GALNT11: variants seen among roughly 807,000 people sequenced by gnomAD.
GALNT11 encodes the protein UDP-GalNAc:polypeptide N-acetylgalactosaminyltransferase 11.
GALNT11 carries 47 observed loss-of-function variants against 72.7 expected under a neutral mutation model. The ratio of observed to expected loss-of-function variants is 0.65; its 90% confidence interval spans 0.51 to 0.82. The LOEUF is 0.82. Among genes scored for constraint, GALNT11 ranks in the 40% least tolerant of loss-of-function variants. The pLI, the probability that GALNT11 is intolerant of heterozygous loss-of-function variation, is 0.00. For missense variants in GALNT11, 677 were observed against 778.4 expected, an observed-to-expected ratio of 0.87 and a Z score of 1.55; for synonymous variants, 270 against 286.6, an observed-to-expected ratio of 0.94 and a Z score of 0.58.
At chr7:152,045,918 A>T (rs563458425) in intron 1 of GALNT11, among the ~76,000 whole-genome samples, 18 of 152,040 alleles carry the variant, frequency 1.2e-4, no homozygotes, top group Middle Eastern at 3.4e-3. Flanking sequence ...TTTTTGATGT[A>T]GGTGCTTATT....
chr7:152,047,039 A>T (rs1336481235), intron 1 of GALNT11, among the ~76,000 whole-genome samples: 5 of 152,212 alleles, frequency 3.3e-5, no homozygotes, highest in Admixed American at 1.3e-4. Flanking sequence ...GCAACTTAAC[A>T]CTGATTGTCT....
At chr7:152,038,040 G>A (rs2082668228) in intron 1 of GALNT11, among the ~76,000 whole-genome samples, 1 of 152,128 alleles carries the variant, frequency 6.6e-6, no homozygotes, top group Non-Finnish European at 1.5e-5. Context: ...AAAGTGCTTG[G>A]ATTACAGGTC....
chr7:152,113,526 T>A (rs2088468078), intron 8 of GALNT11, 128 bp downstream of exon 8: 2 of 1,009,374 alleles, frequency 2.0e-6, no homozygotes, highest in Non-Finnish European at 2.8e-6. Flanking sequence ...TAGGGCCAAC[T>A]CTTTCTAGTT....
chr7:152,031,473 A>G (rs1411857663), intron 1 of GALNT11, among the ~76,000 whole-genome samples: 1 of 152,200 alleles, frequency 6.6e-6, no homozygotes, highest in Non-Finnish European at 1.5e-5. Flanking sequence ...TGATAGCCAT[A>G]AACTCCCTTT....
chr7:152,047,743 A>G lies in GALNT11; in HGVS notation c.-39+21859A>G, dbSNP rs544189639. ...ACACAAGTATGTATACTCTATATATAAATAAGTAAATAAATATATTTTACC... is the reference window on the plus strand; with the variant it reads ...ACACAAGTATGTATACTCTATATATGAATAAGTAAATAAATATATTTTACC... On this transcript the variant is annotated intron_variant, in intron 1 of 11. Transcript: ENST00000430044. Among the ~76,000 whole-genome samples, 57 of 151,860 alleles carry G rather than the reference A, an allele frequency of 3.8e-4. 1 individual carries two copies. Among genetic ancestry groups the G allele is most frequent in the African/African-American group, 1.3e-3 (52 of 41,218 alleles).
At chr7:152,068,876 A>G (rs1264586500) in intron 1 of GALNT11, among the ~76,000 whole-genome samples, 1 of 149,960 alleles carries the variant, frequency 6.7e-6, no homozygotes, top group Non-Finnish European at 1.5e-5. Context: ...TAATTTTTTA[A>G]TTTTTAATTT....
At position 152,113,254 on chromosome 7, in the gene GALNT11, G is replaced by C; in HGVS notation, c.1089G>C (p.Met363Ile). The change falls in exon 8 of 12, where the codon ATG (methionine) becomes ATC (isoleucine). Residue 363 changes from methionine to isoleucine, a missense_variant. Physicochemically the swap from Met to Ile is conservative, Grantham distance 10 (BLOSUM62 1). Transcript: ENST00000430044. ...TTTTTGCTTCTGGCCAGATCTGGATGTGTGGCGGTAAGCTCTTCATCATCC... is the reference window on the plus strand; with the variant it reads ...TTTTTGCTTCTGGCCAGATCTGGATCTGTGGCGGTAAGCTCTTCATCATCC... Reference protein sequence around the residue: ...ENLEISFRIWMCGGKLFIIPC... With the variant: ...ENLEISFRIWICGGKLFIIPC... The C allele has an allele frequency of 6.2e-7, 1 of 1,613,074 alleles. No individual in the cohort carries two copies. Among genetic ancestry groups the C allele is most frequent in the Non-Finnish European group, 8.5e-7 (1 of 1,179,538 alleles).
chr7:152,046,510 G>T (rs1478684428), intron 1 of GALNT11, among the ~76,000 whole-genome samples: 2 of 152,070 alleles, frequency 1.3e-5, no homozygotes, highest in Non-Finnish European at 2.9e-5. Context: ...ATTCACAGTT[G>T]TTATAGTCTC....
chr7:152,070,907 C>T (rs114497555), intron 1 of GALNT11, among the ~76,000 whole-genome samples: 4,031 of 152,144 alleles, frequency 0.026, 176 homozygotes, highest in African/African-American at 0.091. Context: ...CATCACATGC[C>T]GGTAGGTTCC....
intron 2 of GALNT11, among the ~76,000 whole-genome samples, chr7:152,096,878 A>C (rs1245877733): frequency 6.6e-6 from 1 of 152,140 alleles, no homozygotes; most frequent in Non-Finnish European, 1.5e-5. Context: ...CCTGCGGTGG[A>C]GGGCAGTGGC....
At chr7:152,091,389 C>T (rs913283148) in intron 1 of GALNT11, among the ~76,000 whole-genome samples, 8 of 152,078 alleles carry the variant, frequency 5.3e-5, no homozygotes, top group East Asian at 1.9e-4. Context: ...TACAGGTGTG[C>T]GCCGCCACGT....
intron 1 of GALNT11, among the ~76,000 whole-genome samples, chr7:152,084,338 G>GT (rs2085499176): frequency 7.3e-6 from 1 of 136,226 alleles, no homozygotes; most frequent in South Asian, 2.5e-4. Context: ...AGAGTGTGGA[G>GT]TTTGAGTCTA....
rs1458540547 is a variant in GALNT11, at chr7:152,086,188, A to C, written c.-38-8002A>C. 2.6e-5 allele frequency among the ~76,000 whole-genome samples: 4 copies of C among 151,734 alleles called. No individual in the cohort carries two copies. The East Asian group carries it at 7.8e-4, about 29-fold the overall frequency. On this transcript the variant is annotated intron_variant, in intron 1 of 11. Coordinates refer to ENST00000430044, the MANE Select transcript of GALNT11 (RefSeq NM_022087.4). ...GGTGTGAGCCACCACACCCGGCCCAATTTTTGTATTTTTTTAAGTTGAGAC... is the reference window on the plus strand; with the variant it reads ...GGTGTGAGCCACCACACCCGGCCCACTTTTTGTATTTTTTTAAGTTGAGAC...
At chr7:152,120,337 G>C (rs904800562) in intron 10 of GALNT11, 2 of 162,972 alleles carry the variant, frequency 1.2e-5, no homozygotes, top group African/African-American at 4.8e-5. Flanking sequence ...CATAGTGATG[G>C]CGCATGTTGG....
chr7:152,096,332 C>G (rs2086369135), intron 2 of GALNT11, among the ~76,000 whole-genome samples: 1 of 152,094 alleles, frequency 6.6e-6, no homozygotes, highest in Non-Finnish European at 1.5e-5. Context: ...TGAAAAAGAA[C>G]AAAGTTGTAA....
intron 3 of GALNT11, 24 bp from the exon 4 acceptor site, chr7:152,103,088 A>G (rs1260669017): frequency 7.6e-6 from 12 of 1,582,222 alleles, no homozygotes; most frequent in Non-Finnish European, 1.0e-5. Flanking sequence ...AAATGTCAGA[A>G]TTTCCTCATC....
At position 152,094,261 on chromosome 7, in the gene GALNT11, G is replaced by A; in HGVS notation, c.34G>A (p.Gly12Arg). Reference protein sequence around the residue: ...GSVTVRYFCYGCLFTSATWTV... With the variant: ...GSVTVRYFCYRCLFTSATWTV... ...TGTCACAGTTCGGTATTTCTGTTAT[G>A]GGTGCCTTTTTACATCTGCGACCTG... Residue 12 changes from glycine to arginine, a missense_variant, in exon 2 of 12, where the codon GGG becomes AGG. Transcript: ENST00000430044. This position sits in a 1 kb window ranked among gnomAD's most constrained non-coding sequence, Gnocchi z 4.3. 6.2e-7 allele frequency: 1 copy of A among 1,611,310 alleles called. No homozygotes were observed. The highest frequency in any genetic ancestry group is 8.5e-7 in the Non-Finnish European group (1 of 1,178,294).
intron 1 of GALNT11, chr7:152,079,183 C>G (rs1282151326): frequency 2.6e-5 from 4 of 152,184 alleles, no homozygotes; most frequent in Non-Finnish European, 5.9e-5. Context: ...CCTTACTGTT[C>G]TTTTCTACCT....
chr7:152,036,483 A>G (rs767505008), intron 1 of GALNT11, among the ~76,000 whole-genome samples: 4 of 152,018 alleles, frequency 2.6e-5, no homozygotes, highest in Non-Finnish European at 5.9e-5. Flanking sequence ...TTCTTTATCC[A>G]TTCATTTGTT....
Sources: allele counts gnomAD v4.1 joint callset (sites outside exome capture counted in the v4.1 genomes callset), GRCh38; gene constraint gnomAD v4.1.1; non-coding constraint Gnocchi (gnomAD v3.1); transcripts MANE v1.5; gene names NCBI Gene and HGNC (gene_info 2026-07-23, HGNC 2026-07-21).